The following TTC7B variants were observed in gnomAD, a reference collection of about 807,000 sequenced individuals.
TTC7B encodes the protein tetratricopeptide repeat domain 7B.
A neutral mutation model predicts 106.8 loss-of-function variants in TTC7B; 28 were observed. The ratio of observed to expected loss-of-function variants is 0.26; its 90% CI spans 0.19 to 0.36. The LOEUF is 0.36. Ranked by LOEUF, TTC7B falls within the 10% of genes least tolerant of loss-of-function variation. The probability of loss-of-function intolerance (pLI) is 1.00; values close to 1 mark genes in which losing one functional copy is unlikely to be tolerated. For synonymous variants in TTC7B, 405 were observed against 430.6 expected (o/e 0.94, Z 0.74); for missense variants, 862 against 1,076.4 (o/e 0.80, Z 2.79).
intron 4 of TTC7B, among the ~76,000 whole-genome samples, chr14:90,734,941 G>A (rs952108398): frequency 1.3e-5 from 2 of 151,858 alleles, no homozygotes; most frequent in South Asian, 4.2e-4. Context: ...GCGCCACCAC[G>A]CCCAGCTAAT....
At chr14:90,745,030 T>C (rs1179153739) in intron 3 of TTC7B, 108 bp from the exon 4 acceptor site, 4 of 1,102,878 alleles carry the variant, frequency 3.6e-6, no homozygotes, top group Non-Finnish European at 4.0e-6. Flanking sequence ...ATCATGTTGT[T>C]TGCAAATAGA....
intron 3 of TTC7B, among the ~76,000 whole-genome samples, chr14:90,753,074 A>T (rs1890182754): frequency 6.6e-6 from 1 of 152,246 alleles, no homozygotes; most frequent in African/African-American, 2.4e-5. Context: ...CAGCTAAAAC[A>T]AATATTTTGA....
At chr14:90,796,517 G>T (rs763833484) in intron 1 of TTC7B, among the ~76,000 whole-genome samples, 1 of 152,178 alleles carries the variant, frequency 6.6e-6, no homozygotes, top group Non-Finnish European at 1.5e-5. Flanking sequence ...CCCCCCACCC[G>T]GGGAAGGTGG....
At chr14:90,676,412 T>C in intron 9 of TTC7B, 111 bp downstream of exon 9, 2 of 1,307,472 alleles carry the variant, frequency 1.5e-6, no homozygotes, top group Non-Finnish European at 1.1e-6. Context: ...CAAGATCACA[T>C]GGCTGCCACT....
chr14:90,560,978 T>C (rs893306171), intron 19 of TTC7B, among the ~76,000 whole-genome samples: 1 of 152,232 alleles, frequency 6.6e-6, no homozygotes, highest in Admixed American at 6.5e-5. Context: ...TGCCTTGCTT[T>C]GAAAGGCCTG....
In TTC7B at chr14:90,537,377, G is replaced by GGC. The variant is rs1555372750; in HGVS notation, c.*3990_*3991insGC. 89 of 144,400 alleles carry GGC rather than the reference G, an allele frequency of 6.2e-4. 2 individuals carry two copies. The highest frequency in any genetic ancestry group is 2.2e-3 in the African/African-American group (87 of 39,056). 8.9% of individuals were successfully genotyped at this position (144,400 alleles called of 1,614,324 possible). A position where few individuals can be genotyped will look rare whatever the true frequency, so the allele number is the denominator to read the frequency against. ...ATTTTTTTTTTTTTGTAGAGATGGGGGGGGGGTCTCACCATGTTGCCCAGG... is the reference window on the plus strand; with the variant it reads ...ATTTTTTTTTTTTTGTAGAGATGGGGGCGGGGGGTCTCACCATGTTGCCCAGG... On this transcript the variant is annotated 3_prime_UTR_variant, in exon 20 of 20. Transcript: ENST00000328459.
chr14:90,775,542 G>A (rs1363407892), intron 3 of TTC7B, among the ~76,000 whole-genome samples: 1 of 152,120 alleles, frequency 6.6e-6, no homozygotes, highest in Non-Finnish European at 1.5e-5. Flanking sequence ...AGAAGGTAAA[G>A]GAGCTCTGTA....
At chr14:90,638,667 T>TA (rs1277497437) in intron 15 of TTC7B, among the ~76,000 whole-genome samples, 16 of 152,332 alleles carry the variant, frequency 1.1e-4, no homozygotes, top group Admixed American at 1.0e-3. Context: ...CTCCCCAAAC[T>TA]AAGCTATTAA....
At chr14:90,659,961 A>G (rs1163416870) in intron 9 of TTC7B, among the ~76,000 whole-genome samples, 5 of 152,212 alleles carry the variant, frequency 3.3e-5, no homozygotes, top group Admixed American at 1.3e-4. Context: ...CTTCTCCTAC[A>G]GAGGCAAGAT....
intron 19 of TTC7B, among the ~76,000 whole-genome samples, chr14:90,571,398 C>A (rs115935573): frequency 6.6e-6 from 1 of 152,066 alleles, no homozygotes; most frequent in Non-Finnish European, 1.5e-5. Flanking sequence ...GCAGTTATAG[C>A]GAGGAAAGGC....
chr14:90,713,142 G>A (rs1484431459), intron 5 of TTC7B, among the ~76,000 whole-genome samples: 1 of 151,950 alleles, frequency 6.6e-6, no homozygotes, highest in Non-Finnish European at 1.5e-5. Flanking sequence ...TTGAGACGGA[G>A]ACTCATTCTG....
chr14:90,788,275 C>T (rs763232615), intron 1 of TTC7B, among the ~76,000 whole-genome samples: 15 of 152,218 alleles, frequency 9.9e-5, no homozygotes, highest in South Asian at 4.1e-4. Flanking sequence ...TGCGTGGGGC[C>T]GGTCCAGACA....
chr14:90,794,419 C>G (rs11159976), intron 1 of TTC7B, among the ~76,000 whole-genome samples: 107,318 of 151,100 alleles, frequency 0.71, 41,966 homozygotes, highest in Non-Finnish European at 0.87. Flanking sequence ...GTAGAGATGG[C>G]GTTTCACCAT....
In TTC7B at chr14:90,596,845, G is replaced by A. The variant is rs1595190552; in HGVS notation, c.1967-3219C>T. ...GTAAATGAGTGTGCAGGGAATGAACGAGTGCTGTCAATAGACACTTCACTG... is the reference window on the plus strand; with the variant it reads ...GTAAATGAGTGTGCAGGGAATGAACAAGTGCTGTCAATAGACACTTCACTG... On this transcript the variant is annotated intron_variant, in intron 17 of 19. Coordinates refer to ENST00000328459, the MANE Select transcript of TTC7B (RefSeq NM_001010854.2). 2.6e-5 allele frequency among the ~76,000 whole-genome samples: 4 copies of A among 152,270 alleles called. No homozygotes were observed. In the Middle Eastern group the frequency reaches 0.01, roughly 388 times the overall value.
At chr14:90,568,264 C>T (rs1411451469) in intron 19 of TTC7B, among the ~76,000 whole-genome samples, 2 of 152,104 alleles carry the variant, frequency 1.3e-5, no homozygotes, top group East Asian at 1.9e-4. Flanking sequence ...ACAGAACAAC[C>T]CACAGAAGTG....
At chr14:90,584,168 G>T (rs1380123684) in intron 18 of TTC7B, among the ~76,000 whole-genome samples, 1 of 152,178 alleles carries the variant, frequency 6.6e-6, no homozygotes, top group African/African-American at 2.4e-5. Flanking sequence ...GGGCTTCCTG[G>T]AATGGTTTGT....
intron 3 of TTC7B, among the ~76,000 whole-genome samples, chr14:90,751,030 A>G (rs1172613845): frequency 1.3e-5 from 2 of 152,260 alleles, no homozygotes; most frequent in African/African-American, 4.8e-5. Flanking sequence ...CAGATGATGT[A>G]CTGTCAATTT....
chr14:90,735,706 T>A (rs1045674767), intron 4 of TTC7B, among the ~76,000 whole-genome samples: 31 of 149,146 alleles, frequency 2.1e-4, no homozygotes, highest in South Asian at 4.2e-4. Flanking sequence ...TTTTAAATAT[T>A]TTTTTTTTTT....
At chr14:90,758,207 G>C (rs1890368497) in intron 3 of TTC7B, among the ~76,000 whole-genome samples, 1 of 151,210 alleles carries the variant, frequency 6.6e-6, no homozygotes, top group Admixed American at 6.6e-5. Context: ...CCCAAGTACA[G>C]GGGCTTCAAA....
Sources: allele counts gnomAD v4.1 joint callset (sites outside exome capture counted in the v4.1 genomes callset), GRCh38; gene constraint gnomAD v4.1.1; transcripts MANE v1.5; gene names NCBI Gene and HGNC (gene_info 2026-07-23, HGNC 2026-07-21).